GPR137B: variants seen among roughly 807,000 people sequenced by gnomAD.
The protein encoded by GPR137B is G protein-coupled receptor 137B, also known as integral membrane protein GPR137B.
In GPR137B, 42 loss-of-function variants were observed where a neutral mutation model predicts 42.5. The observed-to-expected ratio is 0.99, with a 90% CI of 0.77 to 1.28. The LOEUF is 1.28. Among genes scored for constraint, GPR137B ranks in the 50% most tolerant of loss-of-function variants. The pLI is 0.00. For synonymous variants in GPR137B, 218 were observed against 209.7 expected (o/e 1.04, Z -0.34); for missense variants, 487 against 493.9 (o/e 0.99, Z 0.13).
chr1:236,153,990 G>C (rs1558479485), intron 1 of GPR137B, among the ~76,000 whole-genome samples: 1 of 152,128 alleles, frequency 6.6e-6, no homozygotes, highest in East Asian at 1.9e-4. Context: ...TGGGCTGTTG[G>C]GTTTCCACCC....
In GPR137B at chr1:236,156,706, T is replaced by C. The variant is rs891531836; in HGVS notation, c.415-12000T>C. 7.9e-5 allele frequency among the ~76,000 whole-genome samples: 12 copies of C among 152,180 alleles called. No individual in the cohort carries two copies. The highest frequency in any genetic ancestry group is 2.9e-4 in the African/African-American group (12 of 41,436). ...CGACTGTCTTGTCACCCTGCTCTGC[T>C]GAGTGAGGATGCTCAGCATGTGGGA... On this transcript the variant is annotated intron_variant, in intron 1 of 6. Transcript: ENST00000366592. This position sits in a 1 kb window ranked among gnomAD's most constrained non-coding sequence, Gnocchi z 4.8.
At chr1:236,151,418 A>ATTTTTTTTTTTTTTTTTTTT (rs60574023) in intron 1 of GPR137B, among the ~76,000 whole-genome samples, 1 of 72,370 alleles carries the variant, frequency 1.4e-5, no homozygotes, top group Non-Finnish European at 2.5e-5. Flanking sequence ...TTGCATATTC[A>ATTTTTTTTTTTTTTTTTTTT]TTTTTTTTTT....
intron 3 of GPR137B, among the ~76,000 whole-genome samples, chr1:236,178,971 G>A (rs1001975982): frequency 2.0e-5 from 3 of 151,030 alleles, no homozygotes; most frequent in African/African-American, 4.9e-5. Context: ...CTAATTTTTT[G>A]TATTTTTAGT....
chr1:236,191,302 G>T (rs1295765527), intron 5 of GPR137B, among the ~76,000 whole-genome samples: 1 of 152,086 alleles, frequency 6.6e-6, no homozygotes, highest in Non-Finnish European at 1.5e-5. Flanking sequence ...CTTTAGCTCG[G>T]AGGAGTTTAT....
chr1:236,185,777 A>G (rs546905493), intron 5 of GPR137B, among the ~76,000 whole-genome samples: 12 of 152,098 alleles, frequency 7.9e-5, no homozygotes, highest in African/African-American at 1.4e-4. Context: ...TTGAGATGTA[A>G]CTCACTTACA....
chr1:236,170,377 A>G (rs923093806), intron 2 of GPR137B, among the ~76,000 whole-genome samples: 1 of 152,230 alleles, frequency 6.6e-6, no homozygotes, highest in African/African-American at 2.4e-5. Flanking sequence ...ATCCAAGGAA[A>G]CCAGTTCAGA....
At chr1:236,186,296 A>AATT (rs1663031504) in intron 5 of GPR137B, among the ~76,000 whole-genome samples, 2 of 96,622 alleles carry the variant, frequency 2.1e-5, no homozygotes, top group Non-Finnish European at 3.7e-5. Flanking sequence ...AATAATATAT[A>AATT]ATATATATTA....
At chr1:236,151,930 C>T (rs559219333) in intron 1 of GPR137B, among the ~76,000 whole-genome samples, 63 of 152,138 alleles carry the variant, frequency 4.1e-4, no homozygotes, top group Admixed American at 2.2e-3. Context: ...GGCTGTGTGA[C>T]GGTCCATTTT....
intron 2 of GPR137B, among the ~76,000 whole-genome samples, chr1:236,177,175 G>A (rs73122911): frequency 0.039 from 5,894 of 152,134 alleles, 381 homozygotes; most frequent in African/African-American, 0.13. Flanking sequence ...AATGCCATTC[G>A]GATTAGCCTG....
At chr1:236,174,633 A>T (rs1278414164) in intron 2 of GPR137B, among the ~76,000 whole-genome samples, 1 of 152,210 alleles carries the variant, frequency 6.6e-6, no homozygotes, top group Non-Finnish European at 1.5e-5. Context: ...GTTAGAGTCT[A>T]TGAAAAGCTA....
chr1:236,169,209 T>C (rs973136798), intron 2 of GPR137B, among the ~76,000 whole-genome samples: 37 of 137,438 alleles, frequency 2.7e-4, no homozygotes, highest in African/African-American at 1.2e-3. Context: ...CAGGTGCAGG[T>C]GCAGGTACAG....
intron 1 of GPR137B, among the ~76,000 whole-genome samples, chr1:236,162,025 G>A (rs1662218308): frequency 1.3e-5 from 2 of 152,214 alleles, no homozygotes; most frequent in African/African-American, 4.8e-5. Context: ...CTCAGAAGAA[G>A]ACAGGAAAAT....
intron 1 of GPR137B, among the ~76,000 whole-genome samples, chr1:236,157,592 T>C (rs1662070624): frequency 2.0e-5 from 3 of 152,182 alleles, no homozygotes; most frequent in South Asian, 4.1e-4. Context: ...GCCTGTTATA[T>C]AGGAGTAGCG....
rs75571626 is a variant in GPR137B, at chr1:236,153,175, G to A, written c.414+10139G>A. Among the ~76,000 whole-genome samples, 2,644 of 152,228 alleles carry A rather than the reference G, an allele frequency of 0.017. 124 individuals carry two copies. The East Asian group carries it at 0.18, about 10-fold the overall frequency. Reference sequence around the variant, plus strand: ...CATTGAATGCATGCAGCTGAGTGATGTTCAGTACATTCACAGTATTGCGCA... The same window carrying A: ...CATTGAATGCATGCAGCTGAGTGATATTCAGTACATTCACAGTATTGCGCA... On this transcript the variant is annotated intron_variant, in intron 1 of 6. Transcript: ENST00000366592.
chr1:236,150,225 G>T lies in GPR137B; in HGVS notation c.414+7189G>T, dbSNP rs1268266609. Among the ~76,000 whole-genome samples the T allele has an allele frequency of 6.6e-6, 1 of 150,622 alleles. No individual in the cohort carries two copies. The highest frequency in any genetic ancestry group is 1.5e-5 in the Non-Finnish European group (1 of 67,668). On this transcript the variant is annotated intron_variant, in intron 1 of 6. Coordinates refer to ENST00000366592, the MANE Select transcript of GPR137B (RefSeq NM_003272.4). This position sits in a 1 kb window ranked among gnomAD's most constrained non-coding sequence, Gnocchi z 6.2. ...TGTGTGTGTGTCTGTGCCTGTGTGTGCCTGTGTATGTCTGTGCCCGTGTGT... is the reference window on the plus strand; with the variant it reads ...TGTGTGTGTGTCTGTGCCTGTGTGTTCCTGTGTATGTCTGTGCCCGTGTGT...
chr1:236,160,756 T>C (rs952437556), intron 1 of GPR137B, among the ~76,000 whole-genome samples: 40 of 152,244 alleles, frequency 2.6e-4, no homozygotes, highest in African/African-American at 9.4e-4. Context: ...GGCCAGGCCC[T>C]GTGGCAGCTT....
At chr1:236,163,740 C>T (rs1662265302) in intron 1 of GPR137B, among the ~76,000 whole-genome samples, 1 of 152,156 alleles carries the variant, frequency 6.6e-6, no homozygotes, top group Non-Finnish European at 1.5e-5. Flanking sequence ...GAGGCTTCCC[C>T]AGCCATGTGG....
intron 1 of GPR137B, among the ~76,000 whole-genome samples, chr1:236,144,765 C>G (rs186522252): frequency 3.1e-4 from 47 of 152,354 alleles, no homozygotes; most frequent in Admixed American, 1.2e-3. Flanking sequence ...TGATGTTACC[C>G]TAAGAACTGT....
At position 236,171,417 on chromosome 1, in the gene GPR137B, A is replaced by G. The variant is rs564602822; in HGVS notation, c.464+2662A>G. 1.5e-4 allele frequency among the ~76,000 whole-genome samples: 23 copies of G among 152,328 alleles called. No homozygotes were observed. The South Asian group carries it at 3.7e-3, about 25-fold the overall frequency. The stretch of plus-strand genomic sequence containing the variant: ...GGTCAAAGCATGAGTGAAGATGGGC[A>G]TAGGAGGAGAACATTCTGTCTGATC... On this transcript the variant is annotated intron_variant, in intron 2 of 6. Transcript: ENST00000366592. The surrounding 1 kb of genome is among the most constrained non-coding windows in gnomAD (Gnocchi z 4.4).
Sources: gnomAD v4.1 joint callset for allele counts (sites outside exome capture counted in the v4.1 genomes callset) on GRCh38, gnomAD v4.1.1 for gene constraint, Gnocchi (gnomAD v3.1) non-coding constraint, MANE v1.5 for transcripts, NCBI Gene and HGNC (gene_info 2026-07-23, HGNC 2026-07-21) for gene names.